The following PRKACB variants were observed in gnomAD, a reference collection of about 807,000 sequenced individuals.
PRKACB encodes protein kinase cAMP-activated catalytic subunit beta.
In PRKACB, 16 loss-of-function variants were observed where a neutral mutation model predicts 51.4. The observed-to-expected ratio is 0.31, with a 90% CI of 0.21 to 0.47. The LOEUF is 0.47. PRKACB is among the 20% of genes least tolerant of loss of function. The pLI is 1.00. For synonymous variants in PRKACB, 147 were observed against 154.4 expected (o/e 0.95, Z 0.35); for missense variants, 309 against 464.5 (o/e 0.67, Z 3.08).
intron 1 of PRKACB, among the ~76,000 whole-genome samples, chr1:84,137,823 G>T (rs1024316682): frequency 6.6e-6 from 1 of 152,144 alleles, no homozygotes; most frequent in Non-Finnish European, 1.5e-5. Flanking sequence ...TGGGAGCCAG[G>T]TTTCTCTCTA....
At chr1:84,151,375 T>C (rs1654842599) in intron 1 of PRKACB, among the ~76,000 whole-genome samples, 2 of 152,328 alleles carry the variant, frequency 1.3e-5, no homozygotes, top group East Asian at 1.9e-4. Flanking sequence ...CTTGCATTGA[T>C]GTTTGCCTGC....
rs914273379 is a variant in PRKACB at position 84,171,712 on chromosome 1, C to T, written c.188-7465C>T. Among the ~76,000 whole-genome samples the T allele has an allele frequency of 1.7e-4, 25 of 151,406 alleles. No individual in the cohort carries two copies. The Admixed American group carries it at 1.7e-3, about 10-fold the overall frequency. On this transcript the variant is annotated intron_variant, in intron 1 of 9. Coordinates refer to ENST00000370685, the MANE Select transcript of PRKACB (RefSeq NM_182948.4). ...AACCTGAGCAGTAAAACAAGAAAAA[C>T]GTGGAGAGAACCAAATTGTCATTAT... is the stretch of plus-strand genomic sequence containing the variant.
intron 1 of PRKACB, among the ~76,000 whole-genome samples, chr1:84,153,824 T>C (rs1412763585): frequency 6.6e-6 from 1 of 152,202 alleles, no homozygotes; most frequent in Non-Finnish European, 1.5e-5. Flanking sequence ...AATAATGCTG[T>C]AATGAACATG....
At chr1:84,141,233 G>A (rs1051108751), upstream of PRKACB, among the ~76,000 whole-genome samples, 2 of 151,872 alleles carry the variant, frequency 1.3e-5, no homozygotes, top group African/African-American at 2.4e-5. Flanking sequence ...TCGGTGCATG[G>A]CGAGACATTT....
intron 1 of PRKACB, among the ~76,000 whole-genome samples, chr1:84,158,689 G>A (rs186428337): frequency 3.2e-4 from 49 of 152,066 alleles, no homozygotes; most frequent in Non-Finnish European, 6.6e-4. Context: ...CCAATTTATC[G>A]TTTTTTCCTT....
chr1:84,116,730 T>C (rs904650161), intron 1 of PRKACB, among the ~76,000 whole-genome samples: 3 of 152,106 alleles, frequency 2.0e-5, no homozygotes, highest in African/African-American at 4.8e-5. Context: ...AAGTCTTTGG[T>C]TTTTCTAGGT....
chr1:84,130,177 G>A (rs1478724900), intron 1 of PRKACB, among the ~76,000 whole-genome samples: 8 of 114,014 alleles, frequency 7.0e-5, no homozygotes, highest in East Asian at 2.7e-4. Context: ...GCAACAGAGC[G>A]AGACTCCGTC....
chr1:84,195,256 T>C (rs1300604480), intron 5 of PRKACB, among the ~76,000 whole-genome samples: 1 of 152,214 alleles, frequency 6.6e-6, no homozygotes, highest in Non-Finnish European at 1.5e-5. Context: ...AAGGGTATTA[T>C]AAAATTTTGC....
At chr1:84,191,882 G>A (rs953658664) in intron 5 of PRKACB, among the ~76,000 whole-genome samples, 12 of 152,018 alleles carry the variant, frequency 7.9e-5, no homozygotes, top group Admixed American at 7.2e-4. Flanking sequence ...TATCAAAGAT[G>A]TACTTAAGTC....
chr1:84,084,763 G>C (rs79613632), intron 1 of PRKACB, among the ~76,000 whole-genome samples: 1 of 152,158 alleles, frequency 6.6e-6, no homozygotes, highest in Non-Finnish European at 1.5e-5. Context: ...GCCAGTAATA[G>C]AGTCAGGAAA....
At chr1:84,084,156 A>G (rs1427478441) in intron 1 of PRKACB, among the ~76,000 whole-genome samples, 1 of 152,222 alleles carries the variant, frequency 6.6e-6, no homozygotes, top group Non-Finnish European at 1.5e-5. Context: ...TGACTTGAGC[A>G]TTGAAAATGA....
intron 1 of PRKACB, among the ~76,000 whole-genome samples, chr1:84,081,249 T>C (rs1647507985): frequency 6.6e-6 from 1 of 152,196 alleles, no homozygotes; most frequent in Admixed American, 6.5e-5. Context: ...TTTAACTATC[T>C]GGTGCCTGTA....
intron 8 of PRKACB, among the ~76,000 whole-genome samples, chr1:84,210,295 A>G (rs1671938168): frequency 6.6e-6 from 1 of 152,238 alleles, no homozygotes; most frequent in African/African-American, 2.4e-5. Flanking sequence ...GGAAGTGTAT[A>G]TATCACAAAC....
rs141454751 is a variant in PRKACB at position 84,144,839 on chromosome 1, A to G, written c.187+291A>G. On this transcript the variant is annotated intron_variant, in intron 1 of 9. Transcript: ENST00000370685. ...ATGTACTTTTTTTTGTTGTTCTTAC[A>G]TAAAAATGAAATACTTAAGTTTCAG... 3.4e-3 allele frequency among the ~76,000 whole-genome samples: 516 copies of G among 152,256 alleles called. 6 individuals carry two copies. Among genetic ancestry groups the G allele is most frequent in the Non-Finnish European group, 3.8e-3 (260 of 67,984 alleles).
intron 8 of PRKACB, chr1:84,204,471 T>C (rs1671016615): frequency 6.4e-7 from 1 of 1,568,258 alleles, no homozygotes; most frequent in South Asian, 1.1e-5. Flanking sequence ...GTAATTGTTT[T>C]CTCCCAGCAG....
intron 1 of PRKACB, among the ~76,000 whole-genome samples, chr1:84,085,397 A>G (rs567355935): frequency 5.1e-4 from 77 of 152,172 alleles, no homozygotes; most frequent in Non-Finnish European, 9.6e-4. Flanking sequence ...ACTTTGGACA[A>G]ATGTTTTAAA....
chr1:84,159,829 A>G (rs1655967814), intron 1 of PRKACB, among the ~76,000 whole-genome samples: 2 of 152,090 alleles, frequency 1.3e-5, no homozygotes, highest in African/African-American at 4.8e-5. Flanking sequence ...TCTTCTGCAT[A>G]TATTGAGATG....
intron 9 of PRKACB, among the ~76,000 whole-genome samples, chr1:84,215,836 A>G (rs1198566872): frequency 6.6e-6 from 1 of 152,092 alleles, no homozygotes; most frequent in Non-Finnish European, 1.5e-5. Flanking sequence ...GATGATTTGC[A>G]TGAATAAAGT....
At chr1:84,112,758 G>T (rs912948975) in intron 1 of PRKACB, among the ~76,000 whole-genome samples, 2 of 152,148 alleles carry the variant, frequency 1.3e-5, no homozygotes, top group African/African-American at 4.8e-5. Context: ...AGGTAGCAAG[G>T]TATCTTATTT....
Sources: allele counts gnomAD v4.1 joint callset (sites outside exome capture counted in the v4.1 genomes callset), GRCh38; gene constraint gnomAD v4.1.1; transcripts MANE v1.5; gene names NCBI Gene and HGNC (gene_info 2026-07-23, HGNC 2026-07-21).